The following CRTC3 variants were observed in gnomAD, a reference collection of about 807,000 sequenced individuals.
CRTC3 encodes the protein CREB-regulated transcription coactivator 3.
In CRTC3, 26 loss-of-function variants were observed where a neutral mutation model predicts 74.5. The observed-to-expected ratio is 0.35, with a 90% CI of 0.26 to 0.48. The LOEUF is 0.48. Among genes scored for constraint, CRTC3 ranks in the 20% least tolerant of loss-of-function variants. The pLI is 0.99. For missense variants in CRTC3, 760 were observed against 787.3 expected (o/e 0.97, Z 0.41); for synonymous variants, 377 against 325.8 (o/e 1.16, Z -1.69).
chr15:90,629,468 C>G lies in CRTC3; in HGVS notation c.1202C>G (p.Ala401Gly). Residue 401 changes from alanine to glycine, a missense_variant, in exon 11 of 15, where the codon GCA (alanine) becomes GGA (glycine). Physicochemically the swap from Ala to Gly is moderately conservative, Grantham distance 60. This residue lies in a region of CRTC3 where 652 missense variants were observed against 635.2 expected (regional missense o/e 1.03). Coordinates refer to ENST00000268184, the MANE Select transcript of CRTC3 (RefSeq NM_022769.5). ...CTCACGCTTTCTCCTGGCCCTGAAG[C>G]ACATCAAGGTTTCAGCAGACAGCTG... ...SPLTLSPGPE[A>G]HQGFSRQLSS... The G allele has an allele frequency of 6.2e-7, 1 of 1,614,124 alleles. No homozygotes were observed. Among genetic ancestry groups the G allele is most frequent in the Non-Finnish European group, 8.5e-7 (1 of 1,180,034 alleles).
intron 9 of CRTC3, among the ~76,000 whole-genome samples, chr15:90,621,144 C>T (rs1422345288): frequency 6.9e-6 from 1 of 145,050 alleles, no homozygotes; most frequent in Non-Finnish European, 1.5e-5. Context: ...CAGGGGCTTC[C>T]TGGTAAAATG....
chr15:90,638,182 G>T (rs1215572242), intron 11 of CRTC3: 3 of 426,454 alleles, frequency 7.0e-6, no homozygotes, highest in Non-Finnish European at 1.3e-5. Context: ...GGAGAAAACT[G>T]AAAGGAAATT....
At chr15:90,641,685 C>CAAAAAAAAAAAAAAAAAAAAAAAAAAA (rs11294553) in intron 14 of CRTC3, among the ~76,000 whole-genome samples, 1 of 132,870 alleles carries the variant, frequency 7.5e-6, no homozygotes, top group African/African-American at 2.8e-5. Context: ...CAACAGTCTC[C>CAAAAAAAAAAAAAAAAAAAAAAAAAAA]AAAAAAAAAA....
rs1596158520 is a variant in CRTC3, at chr15:90,642,701, C to G, written c.*561C>G. 1.3e-5 allele frequency: 3 copies of G among 232,032 alleles called. No homozygotes were observed. The East Asian group carries it at 1.8e-4, about 14-fold the overall frequency. The allele number at this position is 232,032 out of a possible 1,614,324, so 14.4% of individuals were successfully genotyped here. A position where few individuals can be genotyped will look rare whatever the true frequency, so the allele number is the denominator to read the frequency against. On this transcript the variant is annotated 3_prime_UTR_variant, in exon 15 of 15. Coordinates refer to ENST00000268184, the MANE Select transcript of CRTC3 (RefSeq NM_022769.5). The stretch of plus-strand genomic sequence containing the variant: ...CTGGATTACGACATGAAGTTTTTAC[C>G]ACAAGCCCGAGGGCAGGCTTGAGTT...
At chr15:90,534,438 T>C (rs962118346) in intron 1 of CRTC3, among the ~76,000 whole-genome samples, 16 of 152,312 alleles carry the variant, frequency 1.1e-4, no homozygotes, top group African/African-American at 1.9e-4. Flanking sequence ...ATTTTTGTTA[T>C]GTAGCCACAG....
Position 90,643,051 on chromosome 15 carries a change from G to C in CRTC3, c.*911G>C, listed in dbSNP as rs759817587. On this transcript the variant is annotated 3_prime_UTR_variant, in exon 15 of 15. Coordinates refer to ENST00000268184, the MANE Select transcript of CRTC3 (RefSeq NM_022769.5). Reference sequence around the variant, plus strand: ...AACTGAGCTTCCCCATCCCTCCCCAGAGCTGTGTCTCTGTGGGCTGGGAGT... The same window carrying C: ...AACTGAGCTTCCCCATCCCTCCCCACAGCTGTGTCTCTGTGGGCTGGGAGT... 5 of 232,228 alleles carry C rather than the reference G, an allele frequency of 2.2e-5. No individual in the cohort carries two copies. Among genetic ancestry groups the C allele is most frequent in the Non-Finnish European group, 3.4e-5 (4 of 117,534 alleles). 14.4% of individuals were successfully genotyped at this position (232,228 alleles called of 1,614,324 possible).
intron 11 of CRTC3, among the ~76,000 whole-genome samples, chr15:90,629,943 C>A (rs1247469567): frequency 6.6e-6 from 1 of 152,152 alleles, no homozygotes; most frequent in Non-Finnish European, 1.5e-5. Context: ...AAGCTGGTCT[C>A]AAATGCCTGG....
chr15:90,626,859 C>T (rs962531030), intron 10 of CRTC3, among the ~76,000 whole-genome samples: 10 of 152,330 alleles, frequency 6.6e-5, no homozygotes, highest in African/African-American at 2.2e-4. Context: ...AAGTGATCCA[C>T]CCGCCTTGGC....
intron 1 of CRTC3, among the ~76,000 whole-genome samples, chr15:90,533,420 A>AG (rs11402562): frequency 0.57 from 66,930 of 117,154 alleles, 16,411 homozygotes; most frequent in Non-Finnish European, 0.63. Flanking sequence ...GACTCCGCCT[A>AG]GGAAAAAAAA....
rs11426969 is a variant in CRTC3, at chr15:90,541,782, C to CTTTTTTTTTTTTTTTTTT, written c.231+1652_231+1653insTTTTTTTTTTTTTTTTTT. Among the ~76,000 whole-genome samples, 3 of 120,100 alleles carry CTTTTTTTTTTTTTTTTTT rather than the reference C, an allele frequency of 2.5e-5. 1 individual carries two copies. Among genetic ancestry groups the CTTTTTTTTTTTTTTTTTT allele is most frequent in the Non-Finnish European group, 1.7e-5 (1 of 59,358 alleles). The allele number at this position is 120,100 out of a possible 152,430, so 78.8% of individuals were successfully genotyped here. ...GATAATCCTTGGCCTTCCCAGGATT[C>CTTTTTTTTTTTTTTTTTT]TTTTTTTCTTTTTTTTTTTTTGAGA... On this transcript the variant is annotated intron_variant, in intron 2 of 14. Coordinates refer to ENST00000268184, the MANE Select transcript of CRTC3 (RefSeq NM_022769.5).
chr15:90,631,303 C>T (rs567122524), intron 11 of CRTC3, among the ~76,000 whole-genome samples: 86 of 152,306 alleles, frequency 5.6e-4, no homozygotes, highest in South Asian at 2.1e-4. Flanking sequence ...CACAATGGCA[C>T]GATCGCGGCT....
intron 10 of CRTC3, among the ~76,000 whole-genome samples, chr15:90,628,204 G>A (rs12908296): frequency 0.19 from 28,959 of 151,154 alleles, 2,816 homozygotes; most frequent in African/African-American, 0.23. Context: ...GTGACAGAGC[G>A]AGACTCTGTC....
intron 9 of CRTC3, among the ~76,000 whole-genome samples, chr15:90,624,014 C>A (rs1968740927): frequency 6.6e-6 from 1 of 152,184 alleles, no homozygotes; most frequent in African/African-American, 2.4e-5. Flanking sequence ...GTCAGCTGGG[C>A]TTCCCTCCAC....
intron 2 of CRTC3, among the ~76,000 whole-genome samples, chr15:90,541,437 A>G (rs544570880): frequency 3.3e-5 from 5 of 152,340 alleles, no homozygotes; most frequent in African/African-American, 9.6e-5. Flanking sequence ...AAAAAGTACT[A>G]CATGAACATA....
intron 2 of CRTC3, among the ~76,000 whole-genome samples, chr15:90,574,098 G>A (rs1967342094): frequency 6.6e-6 from 1 of 152,134 alleles, no homozygotes; most frequent in South Asian, 2.1e-4. Flanking sequence ...TTAGTACACA[G>A]TATTCTTTTA....
rs920651116 is a variant in CRTC3, at chr15:90,639,437, G to A, written c.1548+622G>A. ...TAAGGAGTGGAAGAAGGGTTGAACA[G>A]GTTCCAGAACTTTTTTTTTTTTTTT... On this transcript the variant is annotated intron_variant, in intron 13 of 14. Transcript: ENST00000268184. Among the ~76,000 whole-genome samples the A allele has an allele frequency of 6.0e-5, 9 of 149,122 alleles. 1 individual carries two copies. The highest frequency in any genetic ancestry group is 2.0e-4 in the East Asian group (1 of 5,094).
At chr15:90,631,953 T>C (rs982101491) in intron 11 of CRTC3, among the ~76,000 whole-genome samples, 2 of 151,654 alleles carry the variant, frequency 1.3e-5, no homozygotes, top group Non-Finnish European at 2.9e-5. Context: ...CAGGCTCGAG[T>C]GCAGTGGCGC....
chr15:90,560,734 G>A (rs1446300808), intron 2 of CRTC3, among the ~76,000 whole-genome samples: 2 of 152,176 alleles, frequency 1.3e-5, no homozygotes, highest in Non-Finnish European at 2.9e-5. Context: ...GGAGCTGCAG[G>A]TCCTGTTTGA....
chr15:90,551,046 G>A (rs1966855065), intron 2 of CRTC3, among the ~76,000 whole-genome samples: 1 of 152,170 alleles, frequency 6.6e-6, no homozygotes, highest in African/African-American at 2.4e-5. Flanking sequence ...TTTCTGAAAG[G>A]AAGAGGTGAA....
Sources: allele counts gnomAD v4.1 joint callset (sites outside exome capture counted in the v4.1 genomes callset), GRCh38; gene constraint gnomAD v4.1.1; regional missense constraint gnomAD v4.1.1; transcripts MANE v1.5; gene names NCBI Gene and HGNC (gene_info 2026-07-23, HGNC 2026-07-21).